TAFA2: variants seen among roughly 807,000 people sequenced by gnomAD.
TAFA2 encodes the protein chemokine-like protein TAFA-2.
A neutral mutation model predicts 18.8 loss-of-function variants in TAFA2; 7 were observed. That is an observed-to-expected ratio of 0.37 (90% CI 0.21 to 0.70). TAFA2 has a LOEUF of 0.70. TAFA2 is among the 30% of genes least tolerant of loss of function. TAFA2 has a pLI of 0.53. For missense variants in TAFA2, 122 were observed against 158.1 expected, an observed-to-expected ratio of 0.77 and a Z score of 1.23; for synonymous variants, 60 against 54.2, an observed-to-expected ratio of 1.11 and a Z score of -0.47.
intron 1 of TAFA2, among the ~76,000 whole-genome samples, chr12:62,011,991 CTAA>C (rs1027964210): frequency 1.3e-5 from 2 of 152,152 alleles, no homozygotes. Flanking sequence ...GAATAGATCC[CTAA>C]TAGTGTTTAT....
chr12:62,025,583 C>A (rs1881285855), intron 1 of TAFA2, among the ~76,000 whole-genome samples: 1 of 151,974 alleles, frequency 6.6e-6, no homozygotes, highest in Non-Finnish European at 1.5e-5. Context: ...TGCATGAAAT[C>A]TATCATTCAT....
At chr12:61,934,430 T>A (rs1489293700) in intron 1 of TAFA2, among the ~76,000 whole-genome samples, 1 of 152,162 alleles carries the variant, frequency 6.6e-6, no homozygotes, top group Non-Finnish European at 1.5e-5. Context: ...AAATTAAAGT[T>A]AAGTACTGGG....
chr12:61,978,412 T>C (rs1879511747), intron 1 of TAFA2, among the ~76,000 whole-genome samples: 1 of 152,006 alleles, frequency 6.6e-6, no homozygotes, highest in South Asian at 2.1e-4. Context: ...TTATAGCAAA[T>C]ACTCTAATAA....
intron 2 of TAFA2, among the ~76,000 whole-genome samples, chr12:61,864,155 A>C (rs75094029): frequency 6.6e-6 from 1 of 152,148 alleles, no homozygotes; most frequent in African/African-American, 2.4e-5. Flanking sequence ...ATTGCCTCTG[A>C]AATAATACAT....
At chr12:62,087,339 A>G (rs762144617) in intron 1 of TAFA2, among the ~76,000 whole-genome samples, 1 of 152,186 alleles carries the variant, frequency 6.6e-6, no homozygotes, top group Non-Finnish European at 1.5e-5. Flanking sequence ...CAAAGTATAC[A>G]AAGATAATTT....
chr12:61,961,955 C>T (rs1343175343), intron 1 of TAFA2, among the ~76,000 whole-genome samples: 1 of 151,974 alleles, frequency 6.6e-6, no homozygotes, highest in African/African-American at 2.4e-5. Context: ...AGAACATGTA[C>T]TTATTTCCTC....
intron 1 of TAFA2, among the ~76,000 whole-genome samples, chr12:61,909,120 G>A (rs1224324623): frequency 1.3e-5 from 2 of 152,114 alleles, no homozygotes; most frequent in African/African-American, 4.8e-5. Context: ...GGCATCCAGG[G>A]CCCTGCACAG....
At chr12:61,741,265 C>T (rs1868430438) in intron 4 of TAFA2, among the ~76,000 whole-genome samples, 1 of 151,680 alleles carries the variant, frequency 6.6e-6, no homozygotes, top group South Asian at 2.1e-4. Flanking sequence ...TCCTCTCTCT[C>T]TGCTCTGTGT....
chr12:61,782,264 G>A (rs1870538058), intron 2 of TAFA2, among the ~76,000 whole-genome samples: 1 of 151,576 alleles, frequency 6.6e-6, no homozygotes, highest in Non-Finnish European at 1.5e-5. Context: ...TGGAATTACT[G>A]ATAAAGACTA....
intron 1 of TAFA2, among the ~76,000 whole-genome samples, chr12:62,189,945 T>TGTGG (rs1470305620): frequency 1.4e-5 from 2 of 147,050 alleles, no homozygotes; most frequent in African/African-American, 2.6e-5. Flanking sequence ...TTGCTTTGTG[T>TGTGG]GTGTGTGTGT....
At chr12:61,803,620 A>T (rs763335680) in intron 2 of TAFA2, among the ~76,000 whole-genome samples, 28 of 151,938 alleles carry the variant, frequency 1.8e-4, no homozygotes, top group Admixed American at 4.6e-4. Context: ...ACTTGAACAT[A>T]AACATCATTT....
intron 1 of TAFA2, among the ~76,000 whole-genome samples, chr12:62,224,148 G>A (rs1368668131): frequency 6.7e-6 from 1 of 150,368 alleles, no homozygotes; most frequent in Non-Finnish European, 1.5e-5. Context: ...CCTTAAAAAG[G>A]AAGGAAATTC....
At chr12:62,168,999 T>C (rs1462664957) in intron 1 of TAFA2, among the ~76,000 whole-genome samples, 1 of 151,904 alleles carries the variant, frequency 6.6e-6, no homozygotes, top group African/African-American at 2.4e-5. Flanking sequence ...TATATGTATA[T>C]ATTTAAAAAT....
intron 2 of TAFA2, among the ~76,000 whole-genome samples, chr12:61,864,110 CA>C (rs1392337000): frequency 1.3e-5 from 2 of 152,002 alleles, no homozygotes; most frequent in African/African-American, 2.4e-5. Context: ...GCTCCGCTTC[CA>C]AAAAACCCTG....
intron 2 of TAFA2, among the ~76,000 whole-genome samples, chr12:61,779,846 A>T (rs1465592753): frequency 4.0e-5 from 6 of 151,726 alleles, no homozygotes; most frequent in Admixed American, 2.0e-4. Context: ...AAATTGCTGA[A>T]TCTATGGTGT....
intron 2 of TAFA2, among the ~76,000 whole-genome samples, chr12:61,758,974 A>C (rs1231309345): frequency 6.6e-6 from 1 of 151,962 alleles, no homozygotes; most frequent in African/African-American, 2.4e-5. Context: ...TATGGTGGCT[A>C]GGGCTCTGTT....
chr12:61,831,787 G>C (rs1014851035), intron 2 of TAFA2, among the ~76,000 whole-genome samples: 1 of 151,874 alleles, frequency 6.6e-6, no homozygotes, highest in African/African-American at 2.4e-5. Flanking sequence ...TGCCATGTTG[G>C]TGTGCTGCAC....
At chr12:61,881,463 A>T (rs1434977155) in intron 1 of TAFA2, among the ~76,000 whole-genome samples, 10 of 152,178 alleles carry the variant, frequency 6.6e-5, no homozygotes, top group African/African-American at 2.4e-4. Flanking sequence ...GTGCAGTAAA[A>T]ATAGCATATT....
intron 2 of TAFA2, among the ~76,000 whole-genome samples, chr12:61,817,859 T>A (rs185793211): frequency 2.7e-3 from 407 of 152,288 alleles, no homozygotes; most frequent in African/African-American, 8.8e-3. Context: ...TCAGGCATTT[T>A]TTTTCCCCAA....
Sources: gnomAD v4.1 joint callset for allele counts (sites outside exome capture counted in the v4.1 genomes callset) on GRCh38, gnomAD v4.1.1 for gene constraint, MANE v1.5 for transcripts, NCBI Gene and HGNC (gene_info 2026-07-23, HGNC 2026-07-21) for gene names.